DNER: variants seen among roughly 807,000 people sequenced by gnomAD.
DNER encodes the protein delta and Notch-like epidermal growth factor-related receptor.
In DNER, 33 loss-of-function variants were observed where a neutral mutation model predicts 78.2. The ratio of observed to expected loss-of-function variants is 0.42; its 90% CI spans 0.32 to 0.56. The LOEUF (loss-of-function observed/expected upper bound fraction) is 0.56. Ranked by LOEUF, DNER falls within the 20% of genes least tolerant of loss-of-function variation. The pLI, the probability that DNER is intolerant of heterozygous loss-of-function variation, is 0.11. For missense variants in DNER, 918 were observed against 975.3 expected, an observed-to-expected ratio of 0.94 and a Z score of 0.78; for synonymous variants, 417 against 384.8, an observed-to-expected ratio of 1.08 and a Z score of -0.98.
intron 1 of DNER, among the ~76,000 whole-genome samples, chr2:229,644,248 A>G (rs1176165895): frequency 1.3e-5 from 2 of 151,964 alleles, no homozygotes; most frequent in African/African-American, 4.8e-5. Context: ...ATCGTGGAAA[A>G]TGGGGTATCC....
chr2:229,454,512 A>C (rs1966469), intron 7 of DNER, among the ~76,000 whole-genome samples: 78,903 of 151,858 alleles, frequency 0.52, 20,707 homozygotes, highest in South Asian at 0.61. Context: ...TCAATTCAGG[A>C]AAATATAATG....
chr2:229,619,082 G>A (rs13429140), intron 1 of DNER, among the ~76,000 whole-genome samples: 2 of 152,016 alleles, frequency 1.3e-5, no homozygotes, highest in African/African-American at 2.4e-5. Context: ...CAAGGAGTTC[G>A]AGGTCACATT....
chr2:229,450,989 G>T (rs1694443930), intron 7 of DNER, among the ~76,000 whole-genome samples: 1 of 152,238 alleles, frequency 6.6e-6, no homozygotes, highest in Non-Finnish European at 1.5e-5. Flanking sequence ...CCAGCAGTCT[G>T]AGTGACCATG....
intron 10 of DNER, 121 bp from the exon 11 acceptor site, chr2:229,388,517 G>A: frequency 1.7e-6 from 2 of 1,191,982 alleles, no homozygotes; most frequent in East Asian, 3.0e-5. Flanking sequence ...AGCCCAACCT[G>A]CTGTTTGTAT....
intron 5 of DNER, 128 bp from the exon 6 acceptor site, chr2:229,513,064 T>C (rs1574878672): frequency 1.9e-6 from 2 of 1,050,820 alleles, no homozygotes; most frequent in Admixed American, 2.8e-5. Flanking sequence ...ATCACTTATG[T>C]CATAATCTAG....
chr2:229,705,097 C>T (rs1005065969), intron 1 of DNER, among the ~76,000 whole-genome samples: 54 of 152,188 alleles, frequency 3.5e-4, no homozygotes, highest in African/African-American at 1.2e-3. Context: ...CTCCACTCAG[C>T]CCCCATCAGC....
Position 229,611,806 on chromosome 2 carries a change from G to A in DNER, c.277-19918C>T, listed in dbSNP as rs573388250. ...GCTCCACCAGCCCTTCCTCTAAGACGTACTGACAGGAAATCATAAATAACC... is the reference window on the plus strand; with the variant it reads ...GCTCCACCAGCCCTTCCTCTAAGACATACTGACAGGAAATCATAAATAACC... On this transcript the variant is annotated intron_variant, in intron 1 of 12. Transcript: ENST00000341772. Among the ~76,000 whole-genome samples the A allele has an allele frequency of 7.2e-5, 11 of 152,248 alleles. No homozygotes were observed. The South Asian group carries it at 1.5e-3, about 20-fold the overall frequency.
At chr2:229,459,942 G>A (rs1694656376) in intron 7 of DNER, among the ~76,000 whole-genome samples, 1 of 151,786 alleles carries the variant, frequency 6.6e-6, no homozygotes, top group African/African-American at 2.4e-5. Flanking sequence ...TGGATCACAA[G>A]GTCAAAAGAT....
intron 1 of DNER, among the ~76,000 whole-genome samples, chr2:229,686,586 C>T (rs1699486269): frequency 6.6e-6 from 1 of 152,138 alleles, no homozygotes; most frequent in African/African-American, 2.4e-5. Context: ...CCACCGCACC[C>T]CATCTCTGAC....
chr2:229,550,606 C>T (rs1384215005), intron 4 of DNER, among the ~76,000 whole-genome samples: 1 of 151,872 alleles, frequency 6.6e-6, no homozygotes, highest in East Asian at 2.0e-4. Context: ...GAAACCCTGT[C>T]TCTAATGAAA....
intron 1 of DNER, among the ~76,000 whole-genome samples, chr2:229,662,935 T>C (rs1021607372): frequency 2.0e-5 from 3 of 152,232 alleles, no homozygotes; most frequent in African/African-American, 7.2e-5. Context: ...GTTCTGCCCA[T>C]TCACAACTTG....
intron 1 of DNER, among the ~76,000 whole-genome samples, chr2:229,615,425 A>G (rs1158765424): frequency 6.6e-6 from 1 of 151,328 alleles, no homozygotes; most frequent in Non-Finnish European, 1.5e-5. Context: ...AAAAAAAAAA[A>G]AAGGCCGGGC....
chr2:229,371,790 C>T (rs1416827219), intron 11 of DNER, among the ~76,000 whole-genome samples: 1 of 152,108 alleles, frequency 6.6e-6, no homozygotes, highest in East Asian at 1.9e-4. Flanking sequence ...AGTTAATTTG[C>T]TTACCTATGT....
intron 12 of DNER, 133 bp downstream of exon 12, chr2:229,366,740 A>G: frequency 3.6e-6 from 5 of 1,386,524 alleles, no homozygotes; most frequent in Non-Finnish European, 4.9e-6. Context: ...CTATCCCCAA[A>G]TACAATGTGG....
chr2:229,685,558 C>G (rs964938419), intron 1 of DNER, among the ~76,000 whole-genome samples: 3 of 152,176 alleles, frequency 2.0e-5, no homozygotes, highest in Non-Finnish European at 4.4e-5. Context: ...TCATCACTAT[C>G]ACTATTATCG....
intron 1 of DNER, among the ~76,000 whole-genome samples, chr2:229,663,492 T>C (rs1212422877): frequency 6.6e-6 from 1 of 152,224 alleles, no homozygotes; most frequent in Non-Finnish European, 1.5e-5. Flanking sequence ...TTTGACATAC[T>C]TGTATGCTGC....
At chr2:229,610,048 T>C (rs1401002792) in intron 1 of DNER, among the ~76,000 whole-genome samples, 1 of 152,236 alleles carries the variant, frequency 6.6e-6, no homozygotes, top group African/African-American at 2.4e-5. Flanking sequence ...TGCAGATGAT[T>C]ATTTTAATGT....
intron 1 of DNER, among the ~76,000 whole-genome samples, chr2:229,694,261 C>T (rs532199123): frequency 3.7e-4 from 57 of 152,352 alleles, no homozygotes; most frequent in African/African-American, 1.3e-3. Context: ...AGGTTTGCTG[C>T]AGGGGCAGAG....
intron 1 of DNER, among the ~76,000 whole-genome samples, chr2:229,617,168 T>C (rs868862521): frequency 3.3e-5 from 5 of 152,184 alleles, no homozygotes; most frequent in Non-Finnish European, 7.4e-5. Context: ...GAGAGTATGG[T>C]AACTAAAATA....
Sources: gnomAD v4.1 joint callset for allele counts (sites outside exome capture counted in the v4.1 genomes callset) on GRCh38, gnomAD v4.1.1 for gene constraint, MANE v1.5 for transcripts, NCBI Gene and HGNC (gene_info 2026-07-23, HGNC 2026-07-21) for gene names.